Variants in DIAPH1 observed in about 807,000 individuals in gnomAD.
DIAPH1 encodes diaphanous related formin 1.
Under a neutral mutation model 140.7 loss-of-function variants are expected in DIAPH1, and 46 were observed. The observed-to-expected ratio is 0.33, with a 90% CI of 0.26 to 0.42. The LOEUF (loss-of-function observed/expected upper bound fraction) is 0.42, where lower values mean the gene tolerates loss of function less well. Among genes scored for constraint, DIAPH1 ranks in the 10% least tolerant of loss-of-function variants. DIAPH1 has a pLI of 1.00. For missense variants in DIAPH1, 1,310 were observed against 1,558.7 expected (o/e 0.84, Z 2.69); for synonymous variants, 565 against 551.6 (o/e 1.02, Z -0.34).
In DIAPH1 at chr5:141,576,606, G is replaced by C; in HGVS notation, c.1396+150C>G. The C allele has an allele frequency of 7.2e-6, 5 of 694,638 alleles. No homozygotes were observed. In the South Asian group the frequency reaches 8.0e-5, roughly 11 times the overall value. The allele number at this position is 694,638 out of a possible 1,614,324, so 43.0% of individuals were successfully genotyped here. A position where few individuals can be genotyped will look rare whatever the true frequency, so the allele number is the denominator to read the frequency against. On this transcript the variant is annotated intron_variant, in intron 13 of 27. Coordinates refer to ENST00000389054, the MANE Select transcript of DIAPH1 (RefSeq NM_005219.5). ...TAAACTAAAGACCTATAGATTCCTA[G>C]CAAAGATGCTGGTTATGACCTAAGA...
chr5:141,526,702 G>GTGTT lies in DIAPH1; in HGVS notation c.3274-245_3274-242dup, dbSNP rs528398397. Among the ~76,000 whole-genome samples the GTGTT allele has an allele frequency of 9.6e-5, 14 of 146,294 alleles. 1 individual carries two copies. Among genetic ancestry groups the GTGTT allele is most frequent in the East Asian group, 2.0e-4 (1 of 5,022 alleles). On this transcript the variant is annotated intron_variant, in intron 24 of 27. Coordinates refer to ENST00000389054, the MANE Select transcript of DIAPH1 (RefSeq NM_005219.5). Reference sequence around the variant, plus strand: ...TAAACTGTTGTTTGTTTGTTTGTTTGTGTTTGTTTGTTTGAGACAGGGTTT... The same window carrying GTGTT: ...TAAACTGTTGTTTGTTTGTTTGTTTGTGTTTGTTTGTTTGTTTGAGACAGGGTTT...
chr5:141,574,488 C>G (rs2099895658), intron 15 of DIAPH1, among the ~76,000 whole-genome samples: 1 of 152,138 alleles, frequency 6.6e-6, no homozygotes. Context: ...ATGTAAAGGT[C>G]AAGTAAATTA....
chr5:141,592,052 A>G (rs1263179121), intron 1 of DIAPH1, among the ~76,000 whole-genome samples: 1 of 150,206 alleles, frequency 6.7e-6, no homozygotes, highest in Non-Finnish European at 1.5e-5. Context: ...ACTGCACTCC[A>G]GTCTGGGTGA....
chr5:141,583,747 C>T, intron 4 of DIAPH1, 132 bp from the exon 5 acceptor site: 1 of 1,287,504 alleles, frequency 7.8e-7, no homozygotes, highest in Non-Finnish European at 1.1e-6. Flanking sequence ...TACTACGTTG[C>T]CCAGGCTGAT....
At chr5:141,535,796 T>TC (rs1562290180) in intron 18 of DIAPH1, among the ~76,000 whole-genome samples, 1 of 152,192 alleles carries the variant, frequency 6.6e-6, no homozygotes, top group Non-Finnish European at 1.5e-5. Context: ...TATGGGAATA[T>TC]CCCCGAAAGG....
intron 19 of DIAPH1, among the ~76,000 whole-genome samples, chr5:141,530,904 CAT>C (rs771032787): frequency 2.6e-5 from 4 of 152,180 alleles, no homozygotes; most frequent in East Asian, 3.8e-4. Flanking sequence ...ATCCTTTCCT[CAT>C]GTGTCAACAG....
intron 18 of DIAPH1, among the ~76,000 whole-genome samples, chr5:141,568,290 CAAA>C (rs77400407): frequency 5.9e-5 from 5 of 84,752 alleles, no homozygotes; most frequent in Admixed American, 1.2e-4. Context: ...GAAAATGAAA[CAAA>C]AAAAAAAAAA....
Position 141,582,342 on chromosome 5 carries a change from A to T in DIAPH1, c.654T>A (p.Ile218=). Residue 218 remains isoleucine, a synonymous_variant, in exon 7 of 28, where the codon ATT becomes ATA. Transcript: ENST00000389054. ...SYDSRNKHEI[I]RCLKAFMNNK... is the part of the protein sequence containing the mutation. ...TGTTCATAAAAGCTTTCAAGCAGCG[A>T]ATGATCTCATGCTTGTTCCGGCTAT... is the stretch of plus-strand genomic sequence containing the variant. The T allele has an allele frequency of 6.2e-7, 1 of 1,614,058 alleles. No individual in the cohort carries two copies. The highest frequency in any genetic ancestry group is 2.2e-5 in the East Asian group (1 of 44,870).
At chr5:141,554,316 A>G (rs1221779896) in intron 18 of DIAPH1, among the ~76,000 whole-genome samples, 1 of 152,200 alleles carries the variant, frequency 6.6e-6, no homozygotes. Context: ...TATCATACAA[A>G]ATATGTCTGC....
At chr5:141,603,834 A>C (rs1275764306) in intron 1 of DIAPH1, among the ~76,000 whole-genome samples, 1 of 152,164 alleles carries the variant, frequency 6.6e-6, no homozygotes, top group Non-Finnish European at 1.5e-5. Flanking sequence ...GAAGGCAAGT[A>C]CCTTGGGGAA....
chr5:141,602,162 C>T (rs930175199), intron 1 of DIAPH1, among the ~76,000 whole-genome samples: 1 of 152,076 alleles, frequency 6.6e-6, no homozygotes, highest in Non-Finnish European at 1.5e-5. Context: ...AACAGAGGGT[C>T]ATAATAGGAT....
intron 18 of DIAPH1, among the ~76,000 whole-genome samples, chr5:141,537,675 C>T (rs1596346584): frequency 7.3e-6 from 1 of 136,656 alleles, no homozygotes. Flanking sequence ...AGAGGAAATA[C>T]TTAAGACAGT....
chr5:141,575,648 C>CA (rs1254784264), intron 14 of DIAPH1, among the ~76,000 whole-genome samples: 66 of 127,846 alleles, frequency 5.2e-4, no homozygotes, highest in East Asian at 2.0e-3. Context: ...GACTCCGTCT[C>CA]AAAAAAAAAA....
At position 141,577,523 on chromosome 5, in the gene DIAPH1, A is replaced by G; in HGVS notation, c.1232T>C (p.Leu411Pro). 1 of 1,614,056 alleles carries G rather than the reference A, an allele frequency of 6.2e-7. No homozygotes were observed. The highest frequency in any genetic ancestry group is 8.5e-7 in the Non-Finnish European group (1 of 1,179,890). Reference sequence around the variant, plus strand: ...CAAGAGTAAGTGCTGCAGGATGGAAAGGAAGTGTGGCTCTGCCTTTGAATC... The same window carrying G: ...CAAGAGTAAGTGCTGCAGGATGGAAGGGAAGTGTGGCTCTGCCTTTGAATC... Reference protein sequence around the residue: ...VKDSKAEPHFLSILQHLLLVR... With the variant: ...VKDSKAEPHFPSILQHLLLVR... The change falls in exon 12 of 28, where the codon CTT (leucine) becomes CCT (proline). Residue 411 changes from leucine (L) to proline (P), a missense_variant. Leu to Pro is a moderately conservative substitution (Grantham distance 98, BLOSUM62 -3). Around this residue, in one of 3 missense-constraint regions of DIAPH1, gnomAD observed 589 missense variants for 549.3 expected, o/e 1.07. Coordinates refer to ENST00000389054, the MANE Select transcript of DIAPH1 (RefSeq NM_005219.5).
rs1321464692 is a variant in DIAPH1, at chr5:141,579,094, T to C, written c.927A>G (p.Ala309=). The C allele has an allele frequency of 6.2e-7, 1 of 1,612,932 alleles. No individual in the cohort carries two copies. Reference sequence around the variant, plus strand: ...TTTCAGGGGATATACATGCCTTCAGTGCAATAGTGGTTCCACTTTTTAATC... The same window carrying C: ...TTTCAGGGGATATACATGCCTTCAGCGCAATAGTGGTTCCACTTTTTAATC... The part of the protein sequence containing the change: ...LDGLKSGTTI[A]LKVGCLQLIN... The change falls in exon 9 of 28, where the codon GCA becomes GCG. Residue 309 remains alanine, a synonymous_variant. Coordinates refer to ENST00000389054, the MANE Select transcript of DIAPH1 (RefSeq NM_005219.5).
At chr5:141,602,051 A>C (rs992237058) in intron 1 of DIAPH1, among the ~76,000 whole-genome samples, 3 of 152,178 alleles carry the variant, frequency 2.0e-5, no homozygotes, top group African/African-American at 7.2e-5. Context: ...AGGTAAGGTA[A>C]GGCATATGTC....
intron 18 of DIAPH1, among the ~76,000 whole-genome samples, chr5:141,548,061 C>T (rs1344784211): frequency 2.0e-5 from 3 of 151,918 alleles, no homozygotes; most frequent in Non-Finnish European, 2.9e-5. Flanking sequence ...TAGCTGGATG[C>T]GGTGGTGCAC....
chr5:141,607,779 T>C (rs2099901198), intron 1 of DIAPH1, among the ~76,000 whole-genome samples: 1 of 152,218 alleles, frequency 6.6e-6, no homozygotes, highest in East Asian at 1.9e-4. Context: ...CCCCATCTCA[T>C]GAATTCTTTC....
At chr5:141,557,640 A>T (rs1463729953) in intron 18 of DIAPH1, 2 of 152,092 alleles carry the variant, frequency 1.3e-5, no homozygotes, top group African/African-American at 4.8e-5. Flanking sequence ...TGTAGCAAAA[A>T]CACCTAAACC....
Sources: allele counts gnomAD v4.1 joint callset (sites outside exome capture counted in the v4.1 genomes callset), GRCh38; gene constraint gnomAD v4.1.1; regional missense constraint gnomAD v4.1.1; transcripts MANE v1.5; gene names NCBI Gene and HGNC (gene_info 2026-07-23, HGNC 2026-07-21).